The following ADAMTSL1 variants were observed in gnomAD, a reference collection of about 807,000 sequenced individuals.
ADAMTSL1 encodes the protein ADAMTS-like protein 1.
ADAMTSL1 carries 126 observed loss-of-function variants against 201.8 expected under a neutral mutation model. That is an observed-to-expected ratio of 0.62 (90% confidence interval 0.54 to 0.72). The LOEUF is 0.72. ADAMTSL1 is among the 30% of genes least tolerant of loss of function. The pLI is 0.00. For missense variants in ADAMTSL1, 2,679 were observed against 2,277.8 expected, an observed-to-expected ratio of 1.18 and a Z score of -3.59; for synonymous variants, 1,121 against 903.4, an observed-to-expected ratio of 1.24 and a Z score of -4.32.
At position 18,416,118 on chromosome 9, in the gene ADAMTSL1, C is replaced by T. The variant is rs575002193; in HGVS notation, c.208-88711C>T. Among the ~76,000 whole-genome samples the T allele has an allele frequency of 1.4e-4, 21 of 152,064 alleles. No individual in the cohort carries two copies. In the East Asian group the frequency reaches 3.7e-3, roughly 27 times the overall value. On this transcript the variant is annotated intron_variant, in intron 2 of 29. Transcript: ENST00000680146. ...TGGAGCTACAGAAAGGAATGAAGAACACTGGAAATGGATAACTACAAGGGT... is the reference window on the plus strand; with the variant it reads ...TGGAGCTACAGAAAGGAATGAAGAATACTGGAAATGGATAACTACAAGGGT...
chr9:18,721,567 C>G lies in ADAMTSL1; in HGVS notation c.1908C>G (p.Asn636Lys). 1 of 1,613,986 alleles carries G rather than the reference C, an allele frequency of 6.2e-7. No homozygotes were observed. Among genetic ancestry groups the G allele is most frequent in the Middle Eastern group, 1.7e-4 (1 of 6,054 alleles). ...GVQEAVVSCLNKQTREPAEEN... is the reference protein window; with the variant it reads ...GVQEAVVSCLKKQTREPAEEN... The stretch of plus-strand genomic sequence containing the variant: ...AGGAGGCTGTGGTGAGCTGCTTGAA[C>G]AAACAGACTCGGGAGCCTGCTGAGG... Residue 636 changes from asparagine to lysine, a missense_variant, in exon 15 of 29, where the codon AAC (asparagine) becomes AAG (lysine). Asn to Lys is a moderately conservative substitution (Grantham distance 94). Coordinates refer to ENST00000380548, the MANE Select transcript of ADAMTSL1 (RefSeq NM_001040272.6).
intron 1 of ADAMTSL1, among the ~76,000 whole-genome samples, chr9:18,156,210 G>C (rs1051157322): frequency 6.6e-6 from 1 of 151,964 alleles, no homozygotes; most frequent in Non-Finnish European, 1.5e-5. Flanking sequence ...GGTGGGTTCA[G>C]AATACAACAT....
intron 2 of ADAMTSL1, among the ~76,000 whole-genome samples, chr9:18,309,219 C>T (rs559504440): frequency 6.6e-6 from 1 of 152,280 alleles, no homozygotes; most frequent in South Asian, 2.1e-4. Context: ...GACAAACCCA[C>T]AGCCAATATC....
intron 2 of ADAMTSL1, among the ~76,000 whole-genome samples, chr9:18,440,260 T>G (rs1819938833): frequency 6.6e-6 from 1 of 152,114 alleles, no homozygotes; most frequent in South Asian, 2.1e-4. Context: ...ATGAGAAAAT[T>G]AGATCGAGGT....
intron 1 of ADAMTSL1, among the ~76,000 whole-genome samples, chr9:18,032,843 A>G (rs1821029480): frequency 6.6e-6 from 1 of 152,160 alleles, no homozygotes; most frequent in South Asian, 2.1e-4. Flanking sequence ...TCCCTTCCAA[A>G]GGACCTGTTC....
chr9:17,963,717 T>C lies in ADAMTSL1; in HGVS notation c.87+56795T>C, dbSNP rs375430325. Among the ~76,000 whole-genome samples, 50 of 152,274 alleles carry C rather than the reference T, an allele frequency of 3.3e-4. No homozygotes were observed. The South Asian group carries it at 1.0e-2, about 30-fold the overall frequency. On this transcript the variant is annotated intron_variant, in intron 1 of 29. Transcript: ENST00000680146. Reference sequence around the variant, plus strand: ...GATTGAGATTCAAATTGGAGGACACTAAAACTGTAATGGGCCTTTGTCCCT... The same window carrying C: ...GATTGAGATTCAAATTGGAGGACACCAAAACTGTAATGGGCCTTTGTCCCT...
intron 2 of ADAMTSL1, among the ~76,000 whole-genome samples, chr9:18,343,386 T>A (rs1217269484): frequency 6.6e-6 from 1 of 152,030 alleles, no homozygotes; most frequent in Non-Finnish European, 1.5e-5. Flanking sequence ...AAAAATGAGG[T>A]TTTCTGCTCC....
chr9:18,783,923 A>C (rs1419752865), intron 19 of ADAMTSL1, among the ~76,000 whole-genome samples: 3 of 152,194 alleles, frequency 2.0e-5, no homozygotes. Context: ...CTTTCTAGCA[A>C]ACCTGTCCAT....
At chr9:18,137,221 T>C (rs1017709415) in intron 1 of ADAMTSL1, among the ~76,000 whole-genome samples, 1 of 152,192 alleles carries the variant, frequency 6.6e-6, no homozygotes, top group Non-Finnish European at 1.5e-5. Context: ...ATTTTCTTTC[T>C]ATTTATTGGC....
intron 5 of ADAMTSL1, among the ~76,000 whole-genome samples, chr9:18,623,854 T>G (rs1213280640): frequency 2.0e-5 from 3 of 152,232 alleles, no homozygotes; most frequent in Non-Finnish European, 4.4e-5. Flanking sequence ...GTTTGGGAAA[T>G]GAGAATGAAT....
intron 2 of ADAMTSL1, among the ~76,000 whole-genome samples, chr9:18,282,268 A>G (rs1832820185): frequency 6.6e-6 from 1 of 152,158 alleles, no homozygotes; most frequent in Admixed American, 6.5e-5. Flanking sequence ...GCTGGATAGT[A>G]TTCCATGGTT....
intron 1 of ADAMTSL1, among the ~76,000 whole-genome samples, chr9:18,018,688 G>C (rs541786333): frequency 1.6e-4 from 25 of 152,080 alleles, no homozygotes; most frequent in East Asian, 1.4e-3. Flanking sequence ...TTGAGTCTTC[G>C]GATGAGACCA....
chr9:18,303,635 A>T (rs956380562), intron 2 of ADAMTSL1, among the ~76,000 whole-genome samples: 20 of 152,174 alleles, frequency 1.3e-4, no homozygotes, highest in Non-Finnish European at 8.8e-5. Context: ...GGGAAAGAAG[A>T]GAATGACAAG....
At position 18,833,129 on chromosome 9, in the gene ADAMTSL1, C is replaced by T. The variant is rs1825094951; in HGVS notation, c.4249+3152C>T. Among the ~76,000 whole-genome samples, 9 of 152,338 alleles carry T rather than the reference C, an allele frequency of 5.9e-5. No individual in the cohort carries two copies. The South Asian group carries it at 1.7e-3, about 28-fold the overall frequency. On this transcript the variant is annotated intron_variant, in intron 23 of 28. Transcript: ENST00000380548. ...CTGAGCAACACATGCACAGGCCCAC[C>T]TGGGCCTCACTTTTCCATAACTATA...
At chr9:17,976,015 A>C (rs1818431947) in intron 1 of ADAMTSL1, among the ~76,000 whole-genome samples, 1 of 152,064 alleles carries the variant, frequency 6.6e-6, no homozygotes, top group Non-Finnish European at 1.5e-5. Flanking sequence ...ACTTTGTTGA[A>C]GATTACTTCA....
At chr9:18,115,251 G>A (rs182010209) in intron 1 of ADAMTSL1, among the ~76,000 whole-genome samples, 2 of 152,128 alleles carry the variant, frequency 1.3e-5, no homozygotes, top group African/African-American at 2.4e-5. Flanking sequence ...TCTCACTGAC[G>A]TCAAGGTGAT....
chr9:18,785,654 G>A lies in ADAMTSL1; in HGVS notation c.3677+7748G>A, dbSNP rs185359496. ...ATTTGGAGATGAGACTCAGGCAAAA[G>A]CTAACTCCAGTCTGCTTTTGGATAG... On this transcript the variant is annotated intron_variant, in intron 19 of 28. Coordinates refer to ENST00000380548, the MANE Select transcript of ADAMTSL1 (RefSeq NM_001040272.6). Among the ~76,000 whole-genome samples, 103 of 152,316 alleles carry A rather than the reference G, an allele frequency of 6.8e-4. 1 individual carries two copies. The highest frequency in any genetic ancestry group is 2.3e-3 in the African/African-American group (97 of 41,564).
intron 4 of ADAMTSL1, among the ~76,000 whole-genome samples, chr9:18,601,921 T>C (rs562413069): frequency 6.0e-4 from 91 of 152,142 alleles, no homozygotes; most frequent in African/African-American, 2.1e-3. Flanking sequence ...AAATGACATT[T>C]TTATTGGTTA....
chr9:18,793,253 AC>A, intron 19 of ADAMTSL1: 1 of 152,346 alleles, frequency 6.6e-6, no homozygotes, highest in East Asian at 1.9e-4. Flanking sequence ...CTTTCCTCTG[AC>A]AGGAGGTAAG....
Sources: gnomAD v4.1 joint callset for allele counts (sites outside exome capture counted in the v4.1 genomes callset) on GRCh38, gnomAD v4.1.1 for gene constraint, MANE v1.5 for transcripts, NCBI Gene and HGNC (gene_info 2026-07-23, HGNC 2026-07-21) for gene names.